The following ACOXL variants were observed in gnomAD, a reference collection of about 807,000 sequenced individuals.
ACOXL encodes the protein acyl-coenzyme A oxidase-like protein.
In ACOXL, 70 loss-of-function variants were observed where a neutral mutation model predicts 71.9. That is an observed-to-expected ratio of 0.97 (90% CI 0.80 to 1.19). The LOEUF is 1.19. Ranked by LOEUF, ACOXL falls within the 50% of genes most tolerant of loss-of-function variation. The pLI is 0.00. For synonymous variants in ACOXL, 253 were observed against 281.6 expected (o/e 0.90, Z 1.02); for missense variants, 703 against 736.3 (o/e 0.95, Z 0.52).
chr2:110,970,174 A>G (rs2062118995), intron 12 of ACOXL, among the ~76,000 whole-genome samples: 1 of 152,222 alleles, frequency 6.6e-6, no homozygotes, highest in Admixed American at 6.5e-5. Context: ...GTAGACAAAG[A>G]TAGAAGAAAA....
intron 14 of ACOXL, among the ~76,000 whole-genome samples, chr2:111,024,808 A>G (rs969848869): frequency 2.0e-5 from 3 of 152,046 alleles, no homozygotes; most frequent in Middle Eastern, 3.4e-3. Flanking sequence ...GGGAGGTTAC[A>G]TGTCTAACCC....
At chr2:111,070,275 C>G (rs753534653) in intron 16 of ACOXL, among the ~76,000 whole-genome samples, 4 of 152,162 alleles carry the variant, frequency 2.6e-5, no homozygotes, top group Non-Finnish European at 4.4e-5. Flanking sequence ...CAATGGTAGA[C>G]TGGATAAAGA....
chr2:110,871,566 T>C (rs1695280286), intron 10 of ACOXL, among the ~76,000 whole-genome samples: 1 of 151,998 alleles, frequency 6.6e-6, no homozygotes, highest in Non-Finnish European at 1.5e-5. Context: ...TCAACAGGAA[T>C]CTTCAGTTAA....
Position 110,787,659 on chromosome 2 carries a change from A to G in ACOXL, c.159+2844A>G, listed in dbSNP as rs1293176484. ...CATCCTCTAATCCTTGATGTTGCCC[A>G]TGGGTCCTTGCAGGTGTGGCCCTGG... On this transcript the variant is annotated intron_variant, in intron 3 of 17. Coordinates refer to ENST00000439055, the MANE Select transcript of ACOXL (RefSeq NM_001142807.4). Among the ~76,000 whole-genome samples the G allele has an allele frequency of 5.3e-5, 8 of 152,032 alleles. No individual in the cohort carries two copies. In the South Asian group the frequency reaches 1.5e-3, roughly 28 times the overall value.
At chr2:110,862,929 A>G (rs905075141) in intron 10 of ACOXL, among the ~76,000 whole-genome samples, 2 of 152,206 alleles carry the variant, frequency 1.3e-5, no homozygotes, top group African/African-American at 4.8e-5. Context: ...CGCAGCAGCT[A>G]CCACCTTCAA....
At chr2:110,792,563 G>A (rs1684779902) in intron 3 of ACOXL, among the ~76,000 whole-genome samples, 1 of 152,214 alleles carries the variant, frequency 6.6e-6, no homozygotes, top group South Asian at 2.1e-4. Context: ...GCCAAGGTGG[G>A]AGGATTGCTT....
intron 12 of ACOXL, among the ~76,000 whole-genome samples, chr2:110,971,078 G>A (rs1222871115): frequency 2.0e-5 from 3 of 152,056 alleles, no homozygotes; most frequent in Admixed American, 1.3e-4. Flanking sequence ...CTTCAACAAA[G>A]GACTTGAGTC....
chr2:110,797,871 AG>A (rs1685463626), intron 5 of ACOXL, among the ~76,000 whole-genome samples: 1 of 152,190 alleles, frequency 6.6e-6, no homozygotes, highest in African/African-American at 2.4e-5. Context: ...GATGAGTTAA[AG>A]GTCAAAACTT....
rs773642211 is a variant in ACOXL, at chr2:111,117,848, G to A, written c.*32G>A. 14 of 1,533,002 alleles carry A rather than the reference G, an allele frequency of 9.1e-6. No homozygotes were observed. Among genetic ancestry groups the A allele is most frequent in the Admixed American group, 2.0e-5 (1 of 50,750 alleles). The allele number at this position is 1,533,002 out of a possible 1,614,324, so 95.0% of individuals were successfully genotyped here. A position where few individuals can be genotyped will look rare whatever the true frequency, so the allele number is the denominator to read the frequency against. On this transcript the variant is annotated 3_prime_UTR_variant, in exon 18 of 18. Coordinates refer to ENST00000439055, the MANE Select transcript of ACOXL (RefSeq NM_001142807.4). The stretch of plus-strand genomic sequence containing the variant: ...TGGCGGGAAGTGTGGTGGCCCGCCA[G>A]CAGCTGCCACGACGCTCGCTCCACC...
At chr2:110,915,360 GTGTGTGTGTGTGTGTGTGTGTATGTA>G (rs2059807600) in intron 11 of ACOXL, among the ~76,000 whole-genome samples, 2 of 133,348 alleles carry the variant, frequency 1.5e-5, no homozygotes, top group Non-Finnish European at 3.2e-5. Context: ...ATGTGTGTGT[GTGTGTGTGTGTGTGTGTGTGTATGTA>G]TGTGTGTGTG....
intron 12 of ACOXL, among the ~76,000 whole-genome samples, chr2:110,980,525 A>C (rs1470805107): frequency 6.6e-6 from 1 of 152,160 alleles, no homozygotes. Context: ...CAAACTTCCT[A>C]ACTTAGGAGC....
chr2:110,741,408 T>C (rs1236161510), intron 1 of ACOXL, among the ~76,000 whole-genome samples: 1 of 152,152 alleles, frequency 6.6e-6, no homozygotes, highest in Non-Finnish European at 1.5e-5. Flanking sequence ...CTTCACATGG[T>C]CTTCCCTCTG....
chr2:110,997,332 C>A (rs960153703), intron 14 of ACOXL, among the ~76,000 whole-genome samples: 3 of 125,600 alleles, frequency 2.4e-5, no homozygotes, highest in Non-Finnish European at 3.5e-5. Context: ...TCCTTCATTT[C>A]CATTATGCTA....
chr2:110,837,486 C>T (rs1690601151), intron 9 of ACOXL, among the ~76,000 whole-genome samples: 1 of 152,032 alleles, frequency 6.6e-6, no homozygotes, highest in African/African-American at 2.4e-5. Flanking sequence ...TATTATTTTA[C>T]AAGATCCATG....
chr2:110,922,279 A>G (rs760746823), intron 11 of ACOXL, among the ~76,000 whole-genome samples: 2 of 152,258 alleles, frequency 1.3e-5, no homozygotes, highest in Non-Finnish European at 2.9e-5. Context: ...AAATTTCACA[A>G]ATAGAAAACA....
chr2:110,797,249 G>C (rs1685393972), intron 5 of ACOXL, among the ~76,000 whole-genome samples: 1 of 152,204 alleles, frequency 6.6e-6, no homozygotes, highest in Admixed American at 6.5e-5. Context: ...TTTTCTTCCT[G>C]CTTCTTCATG....
At chr2:110,880,655 A>C (rs977352663) in intron 10 of ACOXL, among the ~76,000 whole-genome samples, 9 of 152,164 alleles carry the variant, frequency 5.9e-5, no homozygotes, top group Admixed American at 4.6e-4. Flanking sequence ...TGCTCTGCAA[A>C]AGACTCTACT....
intron 10 of ACOXL, chr2:110,886,842 G>C (rs751145483): frequency 6.4e-7 from 1 of 1,550,974 alleles, no homozygotes; most frequent in South Asian, 1.2e-5. Flanking sequence ...AGCCCCTCTT[G>C]TGGACCAGGC....
rs1454963312 is a variant in ACOXL at position 110,933,512 on chromosome 2, A to G, written c.929A>G (p.Glu310Gly). The change falls in exon 12 of 18, where the codon GAG becomes GGG. Residue 310 changes from glutamate (E) to glycine (G), a missense_variant. By Grantham distance (98) the Glu-to-Gly change is moderately conservative. Transcript: ENST00000439055. ...AGGTATGCTGGGGCCCTCCTGGATG[A>G]GGATGTCTTCCAGGGAAAGGAGCTG... ...VSRYAGALLD[E>G]DVFQGKELVN... 1 of 1,614,128 alleles carries G rather than the reference A, an allele frequency of 6.2e-7. No individual in the cohort carries two copies.
Sources: allele counts gnomAD v4.1 joint callset (sites outside exome capture counted in the v4.1 genomes callset), GRCh38; gene constraint gnomAD v4.1.1; transcripts MANE v1.5; gene names NCBI Gene and HGNC (gene_info 2026-07-23, HGNC 2026-07-21).